The following NOS1AP variants were observed in gnomAD, a reference collection of about 807,000 sequenced individuals.
NOS1AP encodes carboxyl-terminal PDZ ligand of neuronal nitric oxide synthase protein.
Under a neutral mutation model 56.2 loss-of-function variants are expected in NOS1AP, and 21 were observed. The observed-to-expected ratio is 0.37, with a 90% CI of 0.26 to 0.54. The LOEUF (loss-of-function observed/expected upper bound fraction) is 0.54. Among genes scored for constraint, NOS1AP ranks in the 20% least tolerant of loss-of-function variants. NOS1AP has a pLI of 0.84. For synonymous variants in NOS1AP, 270 were observed against 274.6 expected (o/e 0.98, Z 0.17); for missense variants, 522 against 657.8 (o/e 0.79, Z 2.26).
At chr1:162,126,202 T>C (rs1489107895) in intron 1 of NOS1AP, among the ~76,000 whole-genome samples, 1 of 152,178 alleles carries the variant, frequency 6.6e-6, no homozygotes, top group Non-Finnish European at 1.5e-5. Flanking sequence ...CTTTTCTAGG[T>C]ATAAGATCAT....
chr1:162,191,425 A>G (rs889652177), intron 2 of NOS1AP, among the ~76,000 whole-genome samples: 3 of 152,084 alleles, frequency 2.0e-5, no homozygotes, highest in Non-Finnish European at 2.9e-5. Flanking sequence ...TGTGAGGGCA[A>G]CTGTACAGCT....
At chr1:162,158,887 G>C (rs775692416) in intron 2 of NOS1AP, among the ~76,000 whole-genome samples, 17 of 152,224 alleles carry the variant, frequency 1.1e-4, no homozygotes, top group Non-Finnish European at 1.8e-4. Flanking sequence ...GAAGGGGAAA[G>C]TGAGAGAAGA....
At chr1:162,316,608 G>C (rs1656239598) in intron 4 of NOS1AP, among the ~76,000 whole-genome samples, 1 of 152,250 alleles carries the variant, frequency 6.6e-6, no homozygotes, top group African/African-American at 2.4e-5. Flanking sequence ...CCTGGGTGCA[G>C]GCAGACTGAG....
chr1:162,072,857 C>T (rs1450849324), intron 1 of NOS1AP, among the ~76,000 whole-genome samples: 2 of 152,220 alleles, frequency 1.3e-5, no homozygotes, highest in African/African-American at 4.8e-5. Flanking sequence ...AAATCCACAT[C>T]GCAGTCTTCC....
rs757490970 is a variant in NOS1AP at position 162,367,389 on chromosome 1, G to A, written c.1443G>A (p.Gln481=). The change falls in exon 10 of 10, where the codon CAG becomes CAA. Residue 481 remains glutamine, a synonymous_variant. Transcript: ENST00000361897. The surrounding 1 kb of genome is among the most constrained non-coding windows in gnomAD (Gnocchi z 6.5). The part of the protein sequence containing the change: ...DESEERDSWS[Q]EELPRLLNVL... Reference sequence around the variant, plus strand: ...GCGAGGAGCGCGACTCGTGGTCCCAGGAGGAGCTGCCGCGCCTGCTGAATG... The same window carrying A: ...GCGAGGAGCGCGACTCGTGGTCCCAAGAGGAGCTGCCGCGCCTGCTGAATG... 4.4e-6 allele frequency: 7 copies of A among 1,605,348 alleles called. No individual in the cohort carries two copies. Among genetic ancestry groups the A allele is most frequent in the Non-Finnish European group, 6.0e-6 (7 of 1,175,412 alleles).
chr1:162,364,665 C>T (rs1658010503), intron 8 of NOS1AP: 1 of 985,568 alleles, frequency 1.0e-6, no homozygotes, highest in Non-Finnish European at 1.2e-6. Context: ...GGAGGAGGCC[C>T]TCTCATGAAT....
chr1:162,212,445 C>T (rs1290888098), intron 2 of NOS1AP, among the ~76,000 whole-genome samples: 1 of 152,168 alleles, frequency 6.6e-6, no homozygotes, highest in African/African-American at 2.4e-5. Context: ...ACTATTTACT[C>T]TCCCCATCAC....
intron 1 of NOS1AP, among the ~76,000 whole-genome samples, chr1:162,120,079 GTATATACATATGTATATGA>G (rs59371456): frequency 0.91 from 138,074 of 151,764 alleles, 63,152 homozygotes; most frequent in East Asian, 0.99. Context: ...TATGTATATG[GTATATACATATGTATATGA>G]TATATACACA....
chr1:162,342,037 T>C (rs347284), intron 5 of NOS1AP, among the ~76,000 whole-genome samples: 140,427 of 152,240 alleles, frequency 0.92, 65,156 homozygotes, highest in East Asian at 1. Context: ...TCTTACACAC[T>C]GCAAGCCTAT....
intron 5 of NOS1AP, among the ~76,000 whole-genome samples, chr1:162,333,442 A>G (rs1656840436): frequency 6.6e-6 from 1 of 152,156 alleles, no homozygotes; most frequent in South Asian, 2.1e-4. Context: ...TACTAAGGAG[A>G]CCCTTCATCA....
At chr1:162,105,708 A>G (rs1571014647) in intron 1 of NOS1AP, among the ~76,000 whole-genome samples, 2 of 152,316 alleles carry the variant, frequency 1.3e-5, no homozygotes, top group South Asian at 2.1e-4. Context: ...CAGCTGTGCT[A>G]TGGGGGAACC....
chr1:162,257,028 T>C (rs1411266563), intron 2 of NOS1AP, among the ~76,000 whole-genome samples: 4 of 152,114 alleles, frequency 2.6e-5, no homozygotes, highest in African/African-American at 4.8e-5. Flanking sequence ...TTCCCAAGAA[T>C]TGGTCAGAGG....
At chr1:162,313,566 G>A (rs1428669576) in intron 4 of NOS1AP, among the ~76,000 whole-genome samples, 1 of 152,172 alleles carries the variant, frequency 6.6e-6, no homozygotes, top group East Asian at 1.9e-4. Flanking sequence ...AGGAAAACCA[G>A]TCTGGCTTGG....
At chr1:162,146,167 C>T (rs568394871) in intron 1 of NOS1AP, among the ~76,000 whole-genome samples, 9 of 151,826 alleles carry the variant, frequency 5.9e-5, no homozygotes, top group South Asian at 2.1e-4. Flanking sequence ...GCCTTGCCTG[C>T]GCTAGCTAGT....
At chr1:162,237,230 G>C (rs1653325319) in intron 2 of NOS1AP, among the ~76,000 whole-genome samples, 1 of 152,212 alleles carries the variant, frequency 6.6e-6, no homozygotes, top group Non-Finnish European at 1.5e-5. Context: ...ATTCTCATTA[G>C]AGACAAAGGG....
chr1:162,184,986 C>G (rs1173271368), intron 2 of NOS1AP, among the ~76,000 whole-genome samples: 1 of 152,254 alleles, frequency 6.6e-6, no homozygotes, highest in Non-Finnish European at 1.5e-5. Flanking sequence ...AATCAAGATG[C>G]TGGCACAGCT....
In NOS1AP at chr1:162,196,790, G is replaced by A. The variant is rs189849846; in HGVS notation, c.177+42314G>A. 7.2e-5 allele frequency among the ~76,000 whole-genome samples: 11 copies of A among 152,304 alleles called. No homozygotes were observed. The East Asian group carries it at 1.9e-3, about 27-fold the overall frequency. ...ATAAATTTTACAGATTGATATAGGG[G>A]TTGCTTGGGGGGAACAGACTGCCTG... is the stretch of plus-strand genomic sequence containing the variant. On this transcript the variant is annotated intron_variant, in intron 2 of 9. Transcript: ENST00000361897.
At chr1:162,184,178 T>G (rs1591614) in intron 2 of NOS1AP, among the ~76,000 whole-genome samples, 1 of 151,882 alleles carries the variant, frequency 6.6e-6, no homozygotes, top group Middle Eastern at 3.2e-3. Context: ...GGGAGAGAGA[T>G]GGGGGAATGG....
intron 2 of NOS1AP, among the ~76,000 whole-genome samples, chr1:162,202,591 G>T (rs1159411696): frequency 6.6e-6 from 1 of 152,030 alleles, no homozygotes; most frequent in Non-Finnish European, 1.5e-5. Context: ...TTATGTCATA[G>T]TTTGTGTTTT....
Sources: gnomAD v4.1 joint callset for allele counts (sites outside exome capture counted in the v4.1 genomes callset) on GRCh38, gnomAD v4.1.1 for gene constraint, Gnocchi (gnomAD v3.1) non-coding constraint, MANE v1.5 for transcripts, NCBI Gene and HGNC (gene_info 2026-07-23, HGNC 2026-07-21) for gene names.